The following CORO7 variants were observed in gnomAD, a reference collection of about 807,000 sequenced individuals.
CORO7 encodes the protein coronin 7, also known as coronin-7.
In CORO7, 107 loss-of-function variants were observed where a neutral mutation model predicts 126.6. The observed-to-expected ratio is 0.85, with a 90% CI of 0.72 to 0.99. The LOEUF (loss-of-function observed/expected upper bound fraction) is 0.99, where lower values mean the gene tolerates loss of function less well. CORO7 is among the 50% of genes least tolerant of loss of function. The probability of loss-of-function intolerance (pLI) is 0.00; values close to 1 mark genes in which losing one functional copy is unlikely to be tolerated. For missense variants in CORO7, 1,314 were observed against 1,255.8 expected (o/e 1.05, Z -0.70); for synonymous variants, 603 against 536.8 (o/e 1.12, Z -1.70).
chr16:4,379,703 C>CTGCTGCT (rs1270427842), intron 9 of CORO7, among the ~76,000 whole-genome samples: 4 of 152,008 alleles, frequency 2.6e-5, no homozygotes, highest in Non-Finnish European at 1.5e-5. Context: ...AAGGGGATGG[C>CTGCTGCT]TGCTGCTCAT....
At chr16:4,356,086 TG>T (rs2141169139) in intron 26 of CORO7, among the ~76,000 whole-genome samples, 2 of 152,302 alleles carry the variant, frequency 1.3e-5, no homozygotes, top group African/African-American at 4.8e-5. Context: ...CCCAAGTAGC[TG>T]GGATTACAGG....
chr16:4,395,447 CA>C, intron 6 of CORO7, 108 bp from the exon 7 acceptor site: 2 of 1,455,052 alleles, frequency 1.4e-6, no homozygotes, highest in Non-Finnish European at 1.9e-6. Flanking sequence ...AGCCCATCCC[CA>C]GCACGCAGGG....
chr16:4,411,968 T>C (rs1419204907), intron 3 of CORO7, among the ~76,000 whole-genome samples: 2 of 151,680 alleles, frequency 1.3e-5, no homozygotes, highest in Non-Finnish European at 2.9e-5. Context: ...AGCGACCTCC[T>C]TGGAGGGCCC....
At chr16:4,415,331 C>T (rs1177959965) in intron 1 of CORO7, among the ~76,000 whole-genome samples, 1 of 152,150 alleles carries the variant, frequency 6.6e-6, no homozygotes, top group Non-Finnish European at 1.5e-5. Flanking sequence ...TCTCAATTCT[C>T]ACCCTTCTGG....
At chr16:4,358,785 A>G (rs1283425905) in intron 23 of CORO7, 1 of 358,786 alleles carries the variant, frequency 2.8e-6, no homozygotes, top group Non-Finnish European at 5.0e-6. Context: ...CATTTCCTCC[A>G]TGCACTCCAA....
intron 7 of CORO7, among the ~76,000 whole-genome samples, chr16:4,390,732 G>T (rs946988685): frequency 1.3e-5 from 2 of 152,214 alleles, no homozygotes; most frequent in Non-Finnish European, 2.9e-5. Context: ...GAAGCCTAAA[G>T]GCACAGAGAG....
At chr16:4,356,201 C>G (rs922081148) in intron 26 of CORO7, among the ~76,000 whole-genome samples, 5 of 152,084 alleles carry the variant, frequency 3.3e-5, no homozygotes, top group African/African-American at 1.2e-4. Context: ...GATCCGCCCT[C>G]CTCGGCCTCC....
chr16:4,364,454 G>C, intron 13 of CORO7, 41 bp from the exon 14 acceptor site: 3 of 1,481,066 alleles, frequency 2.0e-6, no homozygotes, highest in Non-Finnish European at 2.7e-6. Flanking sequence ...GGCATGGGCT[G>C]CCCGGTCAGG....
chr16:4,355,082 C>G lies in CORO7; in HGVS notation c.*76G>C, dbSNP rs1037733479. 10 of 1,419,988 alleles carry G rather than the reference C, an allele frequency of 7.0e-6. No individual in the cohort carries two copies. Among genetic ancestry groups the G allele is most frequent in the Non-Finnish European group, 8.4e-6 (9 of 1,075,856 alleles). 88.0% of individuals were successfully genotyped at this position (1,419,988 alleles called of 1,614,324 possible). On this transcript the variant is annotated 3_prime_UTR_variant, in exon 28 of 28. Transcript: ENST00000251166. ...TGTGCCGGGGCCAGAGAGGTATCTT[C>G]CAGCTTGAGGATGAGCCGTGAGGTG... is the stretch of plus-strand genomic sequence containing the variant.
chr16:4,357,736 G>A (rs1286579634), intron 25 of CORO7: 2 of 662,780 alleles, frequency 3.0e-6, no homozygotes, highest in African/African-American at 1.8e-5. Context: ...CCCTGCCCTA[G>A]ACACCACAGT....
intron 9 of CORO7, among the ~76,000 whole-genome samples, chr16:4,380,594 C>CTGGGGTTCAGGAGGAAGCAGTGCA (rs2054921168): frequency 6.6e-6 from 1 of 152,228 alleles, no homozygotes; most frequent in Non-Finnish European, 1.5e-5. Flanking sequence ...GCAGGAGGGC[C>CTGGGGTTCAGGAGGAAGCAGTGCA]TGGGGTTCAG....
intron 3 of CORO7, among the ~76,000 whole-genome samples, chr16:4,409,670 G>T (rs1308159142): frequency 1.3e-5 from 2 of 152,228 alleles, no homozygotes; most frequent in African/African-American, 2.4e-5. Flanking sequence ...AGCATGACAT[G>T]CTGCTGCCTT....
chr16:4,364,325 G>A lies in CORO7; in HGVS notation c.1226C>T (p.Thr409Ile), dbSNP rs2054278326. 1 of 1,542,822 alleles carries A rather than the reference G, an allele frequency of 6.5e-7. No homozygotes were observed. The highest frequency in any genetic ancestry group is 8.7e-7 in the Non-Finnish European group (1 of 1,148,640). ...TGTCTCCATCACCGCAGGCTGGGCTGTGTCAGGGAGGGGCTCCGCAGGGGG... is the reference window on the plus strand; with the variant it reads ...TGTCTCCATCACCGCAGGCTGGGCTATGTCAGGGAGGGGCTCCGCAGGGGG... ...LVPPAEPLPD[T>I]AQPAVMETPV... is the part of the protein sequence containing the mutation. Residue 409 changes from threonine (T) to isoleucine (I), a missense_variant, in exon 14 of 28, where the codon ACA (threonine) becomes ATA (isoleucine). Transcript: ENST00000251166.
rs2055204993 is a variant in CORO7, at chr16:4,386,710, C to T, written c.785+1276G>A. ...GCTTCAGGGAAGGTGCCGAATCTTG[C>T]TCACCTTTGCCTCCCTCATCTGTAA... On this transcript the variant is annotated intron_variant, in intron 9 of 27. Transcript: ENST00000251166. 2.6e-5 allele frequency among the ~76,000 whole-genome samples: 4 copies of T among 152,340 alleles called. No homozygotes were observed. The South Asian group carries it at 8.3e-4, about 32-fold the overall frequency.
rs572827810 is a variant in CORO7, at chr16:4,403,775, C to A, written c.564+1716G>T. On this transcript the variant is annotated intron_variant, in intron 6 of 27. Transcript: ENST00000251166. ...GACCACCACACCTGTGACAGAGGGGCAGAGACAGTTTCTCAAAGAAAGATG... is the reference window on the plus strand; with the variant it reads ...GACCACCACACCTGTGACAGAGGGGAAGAGACAGTTTCTCAAAGAAAGATG... Among the ~76,000 whole-genome samples the A allele has an allele frequency of 2.3e-4, 35 of 152,312 alleles. 1 individual carries two copies. Among genetic ancestry groups the A allele is most frequent in the South Asian group, 4.1e-4 (2 of 4,832 alleles).
intron 9 of CORO7, chr16:4,381,035 A>C (rs1368243773): frequency 6.2e-7 from 1 of 1,610,502 alleles, no homozygotes; most frequent in African/African-American, 1.3e-5. Context: ...GTGCCACCCG[A>C]CACGGTGGGG....
chr16:4,357,001 G>C (rs2053996381), intron 26 of CORO7, 167 bp downstream of exon 26: 1 of 935,576 alleles, frequency 1.1e-6, no homozygotes, highest in African/African-American at 1.7e-5. Flanking sequence ...CGGGCCCCAT[G>C]GTCAGTGGTA....
At chr16:4,414,395 G>C (rs1373288876) in intron 1 of CORO7, 1 of 152,120 alleles carries the variant, frequency 6.6e-6, no homozygotes, top group Admixed American at 6.6e-5. Context: ...AGATCTGCAA[G>C]GTCCACACAT....
intron 1 of CORO7, among the ~76,000 whole-genome samples, chr16:4,414,689 A>G (rs546157242): frequency 7.3e-4 from 111 of 152,238 alleles, no homozygotes; most frequent in African/African-American, 2.4e-3. Flanking sequence ...AGCTCTCCCT[A>G]CAGTCTGTAG....
Sources: allele counts gnomAD v4.1 joint callset (sites outside exome capture counted in the v4.1 genomes callset), GRCh38; gene constraint gnomAD v4.1.1; transcripts MANE v1.5; gene names NCBI Gene and HGNC (gene_info 2026-07-23, HGNC 2026-07-21).